The following REV3L variants were observed in gnomAD, a reference collection of about 807,000 sequenced individuals.
REV3L encodes the protein DNA polymerase zeta catalytic subunit.
A neutral mutation model predicts 299.4 loss-of-function variants in REV3L; 69 were observed. The ratio of observed to expected loss-of-function variants is 0.23; its 90% CI spans 0.19 to 0.28. REV3L has a LOEUF of 0.28. REV3L is among the 10% of genes least tolerant of loss of function. REV3L has a pLI of 1.00. For synonymous variants in REV3L, 1,238 were observed against 1,271.4 expected (o/e 0.97, Z 0.56); for missense variants, 3,128 against 3,693.8 (o/e 0.85, Z 3.97).
intron 24 of REV3L, chr6:111,330,419 T>G (rs1341206638): frequency 5.1e-6 from 2 of 391,322 alleles, no homozygotes; most frequent in Non-Finnish European, 1.1e-5. Context: ...CCAGTAGGAA[T>G]GAAAACCACA....
chr6:111,425,395 CTTGCAGTGAGCGGAGA>C (rs1306414961), intron 1 of REV3L, among the ~76,000 whole-genome samples: 3 of 152,072 alleles, frequency 2.0e-5, no homozygotes, highest in Non-Finnish European at 2.9e-5. Context: ...GCAGGCGGAG[CTTGCAGTGAGCGGAGA>C]TTGCGCCACT....
chr6:111,415,817 C>T (rs1279678433), intron 2 of REV3L, among the ~76,000 whole-genome samples: 1 of 152,046 alleles, frequency 6.6e-6, no homozygotes, highest in African/African-American at 2.4e-5. Context: ...CCTTCTTATC[C>T]TGCTTGTATA....
intron 9 of REV3L, among the ~76,000 whole-genome samples, chr6:111,385,851 C>T (rs976278690): frequency 2.6e-5 from 4 of 152,032 alleles, no homozygotes; most frequent in Non-Finnish European, 4.4e-5. Context: ...TTTAAAGATG[C>T]TCAAATTCAT....
intron 17 of REV3L, among the ~76,000 whole-genome samples, chr6:111,357,601 G>A (rs957955070): frequency 3.3e-5 from 5 of 152,102 alleles, no homozygotes; most frequent in African/African-American, 9.7e-5. Flanking sequence ...GCTGAGGCAG[G>A]AGAATGGCGT....
At chr6:111,400,245 C>T (rs1248221127) in intron 4 of REV3L, among the ~76,000 whole-genome samples, 1 of 152,154 alleles carries the variant, frequency 6.6e-6, no homozygotes, top group Non-Finnish European at 1.5e-5. Context: ...CTTAGGTAAA[C>T]ATACCTAGGA....
chr6:111,427,436 G>A (rs1039178867), intron 1 of REV3L, among the ~76,000 whole-genome samples: 5 of 152,058 alleles, frequency 3.3e-5, no homozygotes, highest in African/African-American at 4.8e-5. Context: ...GTTGTAAAAC[G>A]GTGGTACAGA....
chr6:111,469,282 T>C (rs189425470), intron 1 of REV3L, among the ~76,000 whole-genome samples: 2 of 152,316 alleles, frequency 1.3e-5, no homozygotes, highest in South Asian at 2.1e-4. Context: ...CAATAAATAT[T>C]TGTTGAGTTG....
intron 4 of REV3L, among the ~76,000 whole-genome samples, chr6:111,399,238 T>C (rs1782841657): frequency 6.6e-6 from 1 of 152,214 alleles, no homozygotes. Context: ...TGGTTATACT[T>C]GACAATGATA....
intron 12 of REV3L, among the ~76,000 whole-genome samples, chr6:111,377,194 T>A (rs1032877503): frequency 6.6e-6 from 1 of 152,192 alleles, no homozygotes; most frequent in African/African-American, 2.4e-5. Context: ...GAGAAGCAAA[T>A]CATGTATCTA....
intron 1 of REV3L, among the ~76,000 whole-genome samples, chr6:111,452,091 T>A (rs1789612387): frequency 1.3e-5 from 2 of 150,428 alleles, no homozygotes; most frequent in African/African-American, 5.0e-5. Context: ...GAATGGCAAA[T>A]ATGCACACTA....
At chr6:111,386,338 G>A (rs1204597455) in intron 9 of REV3L, among the ~76,000 whole-genome samples, 1 of 152,116 alleles carries the variant, frequency 6.6e-6, no homozygotes, top group Non-Finnish European at 1.5e-5. Flanking sequence ...TTATAATGTT[G>A]ACATAAAGAT....
rs752434977 is a variant in REV3L, at chr6:111,373,891, A to G, written c.4464T>C (p.Pro1488=). The G allele has an allele frequency of 5.6e-6, 9 of 1,613,820 alleles. No homozygotes were observed. The highest frequency in any genetic ancestry group is 7.6e-6 in the Non-Finnish European group (9 of 1,179,946). ...ATAACGACCTCGGTTTTACTCTTTC[A>G]GGTTTAAAATTTGACATATCTAAAA... ...GFILDMSNFK[P]ERVKPRSLSE... Residue 1488 remains proline (P), a synonymous_variant, in exon 13 of 32, where the codon CCT becomes CCC. Coordinates refer to ENST00000368802, the MANE Select transcript of REV3L (RefSeq NM_001372078.1).
chr6:111,406,835 C>T (rs1030435450), intron 3 of REV3L, among the ~76,000 whole-genome samples: 18 of 152,114 alleles, frequency 1.2e-4, no homozygotes, highest in African/African-American at 3.9e-4. Flanking sequence ...AAATAATAAT[C>T]ATTTTATTAA....
At chr6:111,461,568 G>C (rs1790779037) in intron 1 of REV3L, among the ~76,000 whole-genome samples, 1 of 151,946 alleles carries the variant, frequency 6.6e-6, no homozygotes, top group Non-Finnish European at 1.5e-5. Context: ...TAAAGTCTTA[G>C]AGTAGTAATA....
At chr6:111,478,281 AC>A (rs1285040829) in intron 1 of REV3L, among the ~76,000 whole-genome samples, 1 of 152,178 alleles carries the variant, frequency 6.6e-6, no homozygotes, top group Non-Finnish European at 1.5e-5. Context: ...CATTTGACTT[AC>A]GTTTACATGC....
chr6:111,380,141 C>T lies in REV3L; in HGVS notation c.1295G>A (p.Arg432Lys). Residue 432 changes from arginine (R) to lysine (K), a missense_variant, in exon 11 of 32, where the codon AGG becomes AAG. This residue lies in a region of REV3L where 2,409 missense variants were observed against 2,611.8 expected (regional missense o/e 0.92). Transcript: ENST00000368802. ...ESDGYRGERN[R>K]MPSPCRSFGN... ...AAAGGAGCGACATGGTGATGGCATCCTATTTCTTTCCCCCCGATATCCATC... is the reference window on the plus strand; with the variant it reads ...AAAGGAGCGACATGGTGATGGCATCTTATTTCTTTCCCCCCGATATCCATC... 1 of 1,614,068 alleles carries T rather than the reference C, an allele frequency of 6.2e-7. No individual in the cohort carries two copies. The highest frequency in any genetic ancestry group is 1.6e-4 in the Middle Eastern group (1 of 6,062).
intron 1 of REV3L, among the ~76,000 whole-genome samples, chr6:111,468,942 T>C (rs192644142): frequency 5.9e-4 from 90 of 152,110 alleles, no homozygotes; most frequent in Non-Finnish European, 1.1e-3. Flanking sequence ...GGGTGAATCA[T>C]TTGAGGTCAG....
intron 1 of REV3L, among the ~76,000 whole-genome samples, chr6:111,450,330 T>C (rs1049615925): frequency 2.0e-5 from 3 of 151,600 alleles, no homozygotes; most frequent in Admixed American, 6.6e-5. Flanking sequence ...AATTAAAAAA[T>C]TAGCCAGGCA....
intron 31 of REV3L, among the ~76,000 whole-genome samples, chr6:111,302,053 T>C (rs1027454428): frequency 4.6e-5 from 7 of 152,248 alleles, no homozygotes; most frequent in Admixed American, 3.3e-4. Flanking sequence ...GTTTCAGAGA[T>C]GGCTCACAGG....
Sources: gnomAD v4.1 joint callset for allele counts (sites outside exome capture counted in the v4.1 genomes callset) on GRCh38, gnomAD v4.1.1 for gene constraint, gnomAD v4.1.1 regional missense constraint, MANE v1.5 for transcripts, NCBI Gene and HGNC (gene_info 2026-07-23, HGNC 2026-07-21) for gene names.